Variants in PTPRC observed in about 807,000 individuals in gnomAD.
PTPRC encodes receptor-type tyrosine-protein phosphatase C.
A neutral mutation model predicts 155.9 loss-of-function variants in PTPRC; 44 were observed. The ratio of observed to expected loss-of-function variants is 0.28; its 90% confidence interval spans 0.22 to 0.36. The LOEUF is 0.36. PTPRC is among the 10% of genes least tolerant of loss of function. The pLI is 1.00. For synonymous variants in PTPRC, 525 were observed against 533.1 expected (o/e 0.98, Z 0.21); for missense variants, 1,401 against 1,564.6 (o/e 0.90, Z 1.76).
rs749532441 is a variant in PTPRC at position 198,750,582 on chromosome 1, G to T, written c.3163G>T (p.Val1055Phe). The change falls in exon 29 of 33, where the codon GTC (valine) becomes TTC (phenylalanine). Residue 1055 changes from valine (V) to phenylalanine (F), a missense_variant. Around this residue, in one of 3 missense-constraint regions of PTPRC, gnomAD observed 400 missense variants for 389.5 expected, o/e 1.03. Coordinates refer to ENST00000442510, the MANE Select transcript of PTPRC (RefSeq NM_002838.5). ...TTGGCAGATGATCTTCCAAAGAAAA[G>T]TCAAAGTTATTGTTATGCTGACAGA... Reference protein sequence around the residue: ...DFWQMIFQRKVKVIVMLTELK... With the variant: ...DFWQMIFQRKFKVIVMLTELK... The T allele has an allele frequency of 3.1e-6, 5 of 1,612,634 alleles. No individual in the cohort carries two copies. The African/African-American group carries it at 6.7e-5, about 22-fold the overall frequency.
At chr1:198,668,636 T>G (rs919029898) in intron 2 of PTPRC, among the ~76,000 whole-genome samples, 1 of 152,132 alleles carries the variant, frequency 6.6e-6, no homozygotes, top group African/African-American at 2.4e-5. Context: ...TATAAAATGG[T>G]GCTGATAATT....
rs874909 is a variant in PTPRC, at chr1:198,750,844, T to C, written c.3207+218T>C. On this transcript the variant is annotated intron_variant, in intron 29 of 32. Transcript: ENST00000442510. ...CCTGTTTGTCCCCTCCAGTCTTGCA[T>C]GCTGCTCACAGATTAGCCAGGATGC... Among the ~76,000 whole-genome samples, 39,278 of 151,928 alleles carry C rather than the reference T, an allele frequency of 0.26. 5,885 individuals are homozygous for C. The highest frequency in any genetic ancestry group is 0.35 in the Non-Finnish European group (24,098 of 67,888).
At chr1:198,702,630 G>A (rs1027680048) in intron 6 of PTPRC, 100 bp downstream of exon 6, 1 of 1,503,772 alleles carries the variant, frequency 6.6e-7, no homozygotes, top group African/African-American at 1.4e-5. Flanking sequence ...GATATTATTT[G>A]TAGGTTTCCC....
At chr1:198,676,724 G>A (rs1018828177) in intron 2 of PTPRC, among the ~76,000 whole-genome samples, 1 of 152,078 alleles carries the variant, frequency 6.6e-6, no homozygotes, top group African/African-American at 2.4e-5. Context: ...TTCCTCCAAG[G>A]AACAAGGGGA....
intron 26 of PTPRC, among the ~76,000 whole-genome samples, 185 bp downstream of exon 26, chr1:198,744,388 T>G (rs1655047278): frequency 6.6e-6 from 1 of 151,832 alleles, no homozygotes; most frequent in East Asian, 1.9e-4. Flanking sequence ...ACACAACTAT[T>G]ACATAGGAGA....
chr1:198,668,292 T>G (rs914698445), intron 2 of PTPRC, among the ~76,000 whole-genome samples: 1 of 152,202 alleles, frequency 6.6e-6, no homozygotes, highest in African/African-American at 2.4e-5. Flanking sequence ...GTGATTCTCC[T>G]GCCTCAGCCT....
At chr1:198,679,885 G>GA in intron 2 of PTPRC, 1 of 618,446 alleles carries the variant, frequency 1.6e-6, no homozygotes, top group Non-Finnish European at 2.9e-6. Context: ...ATCATCCCAT[G>GA]AAATGCTGGT....
chr1:198,731,087 ATG>A (rs1654365299), intron 17 of PTPRC, among the ~76,000 whole-genome samples: 1 of 152,068 alleles, frequency 6.6e-6, no homozygotes, highest in African/African-American at 2.4e-5. Context: ...ATGGTATATA[ATG>A]TGTTTCATAT....
intron 2 of PTPRC, among the ~76,000 whole-genome samples, chr1:198,652,027 A>G (rs957823221): frequency 6.6e-6 from 1 of 151,900 alleles, no homozygotes; most frequent in Non-Finnish European, 1.5e-5. Context: ...TGGTTAAAAC[A>G]AAAGAGTAAG....
chr1:198,687,288 A>G (rs1665682272), intron 2 of PTPRC, among the ~76,000 whole-genome samples: 1 of 152,096 alleles, frequency 6.6e-6, no homozygotes, highest in South Asian at 2.1e-4. Flanking sequence ...ACCTGGCCAC[A>G]ACCAATCTCA....
At chr1:198,707,059 A>G (rs1005593208) in intron 9 of PTPRC, 107 bp downstream of exon 9, 1 of 899,100 alleles carries the variant, frequency 1.1e-6, no homozygotes, top group Non-Finnish European at 1.7e-6. Context: ...AACAGGGCTG[A>G]GGGAAAGGAA....
chr1:198,731,357 C>T (rs1171303003), intron 17 of PTPRC, among the ~76,000 whole-genome samples: 1 of 151,932 alleles, frequency 6.6e-6, no homozygotes, highest in Non-Finnish European at 1.5e-5. Flanking sequence ...GGTCTGGGAT[C>T]CCTTCTCTTA....
At position 198,718,239 on chromosome 1, in the gene PTPRC, G is replaced by A. The variant is rs767956151; in HGVS notation, c.1596G>A (p.Glu532=). The A allele has an allele frequency of 4.3e-6, 7 of 1,613,960 alleles. No homozygotes were observed. In the East Asian group the frequency reaches 1.1e-4, roughly 26 times the overall value. ...CTGGAAATACTCTGGTTAGAAATGA[G>A]TCGCATAAGAATTGCGATTTCCGTG... ...VEAGNTLVRN[E]SHKNCDFRVK... is the part of the protein sequence containing the mutation. Residue 532 remains glutamate, a synonymous_variant, in exon 14 of 33, where the codon GAG becomes GAA. Coordinates refer to ENST00000442510, the MANE Select transcript of PTPRC (RefSeq NM_002838.5).
At chr1:198,690,077 C>T (rs536730313) in intron 2 of PTPRC, among the ~76,000 whole-genome samples, 3 of 152,180 alleles carry the variant, frequency 2.0e-5, no homozygotes, top group South Asian at 4.1e-4. Flanking sequence ...GGCATATCAA[C>T]CTAATTTTAG....
At chr1:198,669,243 C>T (rs1664508190) in intron 2 of PTPRC, among the ~76,000 whole-genome samples, 1 of 152,142 alleles carries the variant, frequency 6.6e-6, no homozygotes, top group African/African-American at 2.4e-5. Context: ...TTGGAAATGA[C>T]TAATGCTTAG....
intron 2 of PTPRC, among the ~76,000 whole-genome samples, chr1:198,671,400 T>C (rs1664638631): frequency 6.6e-6 from 1 of 152,218 alleles, no homozygotes; most frequent in South Asian, 2.1e-4. Context: ...AACTACCTTC[T>C]AGTTCTCTTA....
At chr1:198,664,646 C>T (rs928587951) in intron 2 of PTPRC, among the ~76,000 whole-genome samples, 2 of 152,074 alleles carry the variant, frequency 1.3e-5, no homozygotes, top group Non-Finnish European at 2.9e-5. Flanking sequence ...CCGAAATATA[C>T]CAGGAACTGC....
At chr1:198,748,238 G>T (rs1437223834) in intron 27 of PTPRC, 39 bp downstream of exon 27, 1 of 1,568,406 alleles carries the variant, frequency 6.4e-7, no homozygotes, top group South Asian at 1.2e-5. Context: ...ATCAGATAAA[G>T]TTAAGCTCTT....
chr1:198,710,222 T>C (rs1318477941), intron 11 of PTPRC, among the ~76,000 whole-genome samples: 2 of 152,216 alleles, frequency 1.3e-5, no homozygotes, highest in Non-Finnish European at 2.9e-5. Context: ...CCCCACTGAA[T>C]AGTCTTGCCA....
Sources: allele counts gnomAD v4.1 joint callset (sites outside exome capture counted in the v4.1 genomes callset), GRCh38; gene constraint gnomAD v4.1.1; regional missense constraint gnomAD v4.1.1; transcripts MANE v1.5; gene names NCBI Gene and HGNC (gene_info 2026-07-23, HGNC 2026-07-21).